SORCS3: variants seen among roughly 807,000 people sequenced by gnomAD.
SORCS3 encodes VPS10 domain-containing receptor SorCS3.
Under a neutral mutation model 146.3 loss-of-function variants are expected in SORCS3, and 57 were observed. The ratio of observed to expected loss-of-function variants is 0.39; its 90% CI spans 0.31 to 0.49. The LOEUF (loss-of-function observed/expected upper bound fraction) is 0.49. Ranked by LOEUF, SORCS3 falls within the 20% of genes least tolerant of loss-of-function variation. The pLI is 0.92. For missense variants in SORCS3, 1,341 were observed against 1,575.5 expected (o/e 0.85, Z 2.52); for synonymous variants, 653 against 618.5 (o/e 1.06, Z -0.83).
intron 2 of SORCS3, among the ~76,000 whole-genome samples, chr10:104,909,218 A>T (rs954315011): frequency 6.6e-6 from 1 of 152,142 alleles, no homozygotes; most frequent in African/African-American, 2.4e-5. Flanking sequence ...CAAAACCCAA[A>T]ATATTTACTA....
chr10:104,764,300 T>C (rs1241725152), intron 1 of SORCS3, among the ~76,000 whole-genome samples: 1 of 152,156 alleles, frequency 6.6e-6, no homozygotes, highest in Non-Finnish European at 1.5e-5. Context: ...TAGATTCTGA[T>C]GAAGCGGTCT....
intron 7 of SORCS3, among the ~76,000 whole-genome samples, chr10:105,118,846 C>T (rs1564759214): frequency 6.6e-6 from 1 of 152,024 alleles, no homozygotes; most frequent in Non-Finnish European, 1.5e-5. Flanking sequence ...AGAGGCAAAA[C>T]GTTCAAGAGA....
chr10:105,239,747 T>C (rs745862203), intron 20 of SORCS3, among the ~76,000 whole-genome samples: 7 of 152,212 alleles, frequency 4.6e-5, no homozygotes, highest in Non-Finnish European at 8.8e-5. Context: ...AACAGAGGTC[T>C]GGCTTAATAA....
chr10:105,079,292 A>T (rs2133732675), intron 5 of SORCS3, among the ~76,000 whole-genome samples: 1 of 152,306 alleles, frequency 6.6e-6, no homozygotes, highest in Admixed American at 6.5e-5. Context: ...ATGCATTTGT[A>T]TTTAATATTT....
chr10:104,881,671 C>T (rs2018631434), intron 2 of SORCS3, among the ~76,000 whole-genome samples: 1 of 152,154 alleles, frequency 6.6e-6, no homozygotes, highest in Admixed American at 6.5e-5. Context: ...CAAGCACACA[C>T]ATGGGCAGCT....
chr10:104,964,289 G>T (rs985416054), intron 3 of SORCS3, among the ~76,000 whole-genome samples: 3 of 152,112 alleles, frequency 2.0e-5, no homozygotes, highest in Non-Finnish European at 4.4e-5. Flanking sequence ...TGTTCATTCT[G>T]TTCCAGCCTA....
chr10:104,851,854 T>C (rs930660689), intron 2 of SORCS3, among the ~76,000 whole-genome samples: 1 of 152,324 alleles, frequency 6.6e-6, no homozygotes, highest in South Asian at 2.1e-4. Context: ...ATAAATGTCA[T>C]TAGGAGGTTT....
intron 9 of SORCS3, 35 bp from the exon 10 acceptor site, chr10:105,157,103 C>T: frequency 6.2e-7 from 1 of 1,610,716 alleles, no homozygotes; most frequent in Non-Finnish European, 8.5e-7. Flanking sequence ...CATGTTGGCC[C>T]AGCATGGTTC....
chr10:105,197,779 T>TA (rs1329868243), intron 14 of SORCS3, among the ~76,000 whole-genome samples: 1 of 152,168 alleles, frequency 6.6e-6, no homozygotes, highest in African/African-American at 2.4e-5. Context: ...CTTATTAAAT[T>TA]AAGCCTGTCT....
intron 1 of SORCS3, among the ~76,000 whole-genome samples, chr10:104,766,878 A>G (rs1311843308): frequency 2.6e-5 from 4 of 152,230 alleles, no homozygotes; most frequent in Admixed American, 6.5e-5. Context: ...CAAAGGGTGC[A>G]TATTGGCCTT....
At chr10:104,708,634 T>A (rs2016375111) in intron 1 of SORCS3, among the ~76,000 whole-genome samples, 1 of 152,204 alleles carries the variant, frequency 6.6e-6, no homozygotes, top group Admixed American at 6.5e-5. Flanking sequence ...AATCCTGTTT[T>A]TCTGTAAATC....
intron 1 of SORCS3, among the ~76,000 whole-genome samples, chr10:104,788,929 C>A (rs1366282511): frequency 6.6e-6 from 1 of 152,180 alleles, no homozygotes; most frequent in African/African-American, 2.4e-5. Context: ...TTACACCACA[C>A]CGATTTGTTA....
At chr10:105,040,988 AATATAT>A (rs202026508) in intron 4 of SORCS3, among the ~76,000 whole-genome samples, 2 of 147,684 alleles carry the variant, frequency 1.4e-5, no homozygotes, top group Non-Finnish European at 3.0e-5. Flanking sequence ...AGCATATATA[AATATAT>A]ATATTTGTAT....
intron 4 of SORCS3, among the ~76,000 whole-genome samples, chr10:104,991,503 CTT>C (rs1159374839): frequency 1.1e-4 from 15 of 139,142 alleles, no homozygotes; most frequent in Admixed American, 1.4e-4. Context: ...CCTCTTCTTC[CTT>C]TTTTTTTTTT....
chr10:105,147,201 A>C (rs2056137299), intron 8 of SORCS3, among the ~76,000 whole-genome samples: 2 of 152,128 alleles, frequency 1.3e-5, no homozygotes, highest in Admixed American at 1.3e-4. Context: ...ATTTTAAAGA[A>C]AACTGTGTAA....
chr10:104,660,869 C>A (rs10786815), intron 1 of SORCS3, among the ~76,000 whole-genome samples: 35,330 of 152,110 alleles, frequency 0.23, 4,273 homozygotes, highest in South Asian at 0.33. Context: ...GAGAGGAGAG[C>A]CATGGGCTCT....
At chr10:104,842,507 G>A (rs945080140) in intron 1 of SORCS3, among the ~76,000 whole-genome samples, 1 of 152,130 alleles carries the variant, frequency 6.6e-6, no homozygotes, top group African/African-American at 2.4e-5. Context: ...GGACAGATGT[G>A]GAGAAACAGC....
At chr10:105,048,514 ATCACACAC>A (rs2133708669) in intron 5 of SORCS3, among the ~76,000 whole-genome samples, 1 of 133,664 alleles carries the variant, frequency 7.5e-6, no homozygotes, top group Admixed American at 8.6e-5. Flanking sequence ...GAAGGGGAAC[ATCACACAC>A]TGGGGCCTGT....
At chr10:104,681,320 C>T (rs1054506940) in intron 1 of SORCS3, among the ~76,000 whole-genome samples, 3 of 32,352 alleles carry the variant, frequency 9.3e-5, no homozygotes, top group African/African-American at 3.0e-4. Flanking sequence ...CGGGCCGACT[C>T]CGTCATCCTC....
Sources: gnomAD v4.1 joint callset for allele counts (sites outside exome capture counted in the v4.1 genomes callset) on GRCh38, gnomAD v4.1.1 for gene constraint, MANE v1.5 for transcripts, NCBI Gene and HGNC (gene_info 2026-07-23, HGNC 2026-07-21) for gene names.